RIT2: variants seen among roughly 807,000 people sequenced by gnomAD.
RIT2 encodes the protein Ras like without CAAX 2, also known as GTP-binding protein Rit2.
A neutral mutation model predicts 23.7 loss-of-function variants in RIT2; 24 were observed. The ratio of observed to expected loss-of-function variants is 1.01; its 90% CI spans 0.73 to 1.43. The LOEUF is 1.43. RIT2 is among the 40% of genes most tolerant of loss of function. The pLI is 0.00. For missense variants in RIT2, 236 were observed against 266.9 expected (o/e 0.88, Z 0.81); for synonymous variants, 107 against 91.1 (o/e 1.17, Z -0.99).
chr18:43,052,806 TACA>T (rs1294130469), intron 1 of RIT2, among the ~76,000 whole-genome samples: 2 of 152,078 alleles, frequency 1.3e-5, no homozygotes, highest in Non-Finnish European at 2.9e-5. Flanking sequence ...TCTAATAATA[TACA>T]TAGGTCTGTG....
At chr18:42,876,287 C>T (rs1283082424) in intron 4 of RIT2, among the ~76,000 whole-genome samples, 2 of 151,530 alleles carry the variant, frequency 1.3e-5, no homozygotes, top group African/African-American at 4.8e-5. Context: ...ATATTTTTAC[C>T]ACATATTCAA....
chr18:42,983,563 A>T (rs1242854005), intron 2 of RIT2, among the ~76,000 whole-genome samples: 1 of 152,114 alleles, frequency 6.6e-6, no homozygotes, highest in Admixed American at 6.6e-5. Context: ...TGAGGAAAAG[A>T]CCAGCTAGAA....
chr18:42,899,395 C>A lies in RIT2; in HGVS notation c.426+24177G>T, dbSNP rs943931308. Among the ~76,000 whole-genome samples, 4 of 151,482 alleles carry A rather than the reference C, an allele frequency of 2.6e-5. No individual in the cohort carries two copies. The South Asian group carries it at 8.4e-4, about 32-fold the overall frequency. Reference sequence around the variant, plus strand: ...GAGGGAGAGATCAATAATTGAGATACCCTATATGGCAAGTGAGTCTTTATT... The same window carrying A: ...GAGGGAGAGATCAATAATTGAGATAACCTATATGGCAAGTGAGTCTTTATT... On this transcript the variant is annotated intron_variant, in intron 4 of 4. Transcript: ENST00000326695.
chr18:43,052,875 G>A (rs1360885609), intron 1 of RIT2, among the ~76,000 whole-genome samples: 2 of 151,972 alleles, frequency 1.3e-5, no homozygotes, highest in East Asian at 1.9e-4. Flanking sequence ...GTGAGCAGGA[G>A]ATAACAGTTC....
intron 4 of RIT2, among the ~76,000 whole-genome samples, chr18:42,871,128 A>C (rs562490674): frequency 6.6e-6 from 1 of 152,320 alleles, no homozygotes; most frequent in African/African-American, 2.4e-5. Flanking sequence ...TGTTTGTAAA[A>C]TATCTCTAAG....
intron 4 of RIT2, among the ~76,000 whole-genome samples, chr18:42,878,550 G>A (rs966248149): frequency 1.4e-5 from 2 of 143,654 alleles, no homozygotes; most frequent in Non-Finnish European, 3.0e-5. Context: ...AACCCATGTT[G>A]TTCAAGATTC....
intron 1 of RIT2, among the ~76,000 whole-genome samples, chr18:43,108,089 G>A (rs1005612228): frequency 6.6e-5 from 10 of 151,364 alleles, no homozygotes; most frequent in African/African-American, 2.4e-4. Context: ...GCAGGATAAT[G>A]GTGTGAACCC....
intron 3 of RIT2, among the ~76,000 whole-genome samples, chr18:42,950,641 G>T (rs946937587): frequency 1.3e-5 from 2 of 151,686 alleles, no homozygotes; most frequent in Non-Finnish European, 2.9e-5. Context: ...CACAAACCAC[G>T]CATCTGACAA....
intron 3 of RIT2, among the ~76,000 whole-genome samples, chr18:42,950,701 A>C (rs565248661): frequency 4.6e-5 from 7 of 152,080 alleles, no homozygotes; most frequent in Non-Finnish European, 1.0e-4. Context: ...TCAAACAAGC[A>C]AAAAGCAAAT....
At chr18:42,783,769 AT>A (rs1199995085) in intron 4 of RIT2, among the ~76,000 whole-genome samples, 3 of 152,052 alleles carry the variant, frequency 2.0e-5, no homozygotes, top group African/African-American at 4.8e-5. Flanking sequence ...ATGACATCAT[AT>A]TAGTGTGGAT....
chr18:43,108,188 A>G (rs1236579421), intron 1 of RIT2, among the ~76,000 whole-genome samples: 5 of 147,812 alleles, frequency 3.4e-5, no homozygotes, highest in Non-Finnish European at 6.0e-5. Flanking sequence ...AAAAAAAAAA[A>G]TGCAGCTGAA....
In RIT2 at chr18:42,977,497, C is replaced by T. The variant is rs556615195; in HGVS notation, c.161-3350G>A. On this transcript the variant is annotated intron_variant, in intron 2 of 4. Coordinates refer to ENST00000326695, the MANE Select transcript of RIT2 (RefSeq NM_002930.4). ...AAACAAATGAATTATTTTCAGAAACCGTTGCTGTAGAAAGTAGTAATGATC... is the reference window on the plus strand; with the variant it reads ...AAACAAATGAATTATTTTCAGAAACTGTTGCTGTAGAAAGTAGTAATGATC... Among the ~76,000 whole-genome samples, 235 of 151,928 alleles carry T rather than the reference C, an allele frequency of 1.5e-3. 1 individual carries two copies. Among genetic ancestry groups the T allele is most frequent in the African/African-American group, 5.2e-3 (216 of 41,466 alleles).
At chr18:42,992,245 C>T (rs568837810) in intron 2 of RIT2, among the ~76,000 whole-genome samples, 1 of 152,164 alleles carries the variant, frequency 6.6e-6, no homozygotes, top group Non-Finnish European at 1.5e-5. Context: ...TTTTCTTCTA[C>T]AATGTCACTT....
intron 3 of RIT2, among the ~76,000 whole-genome samples, chr18:42,952,273 C>A (rs1445991327): frequency 6.6e-6 from 1 of 152,000 alleles, no homozygotes; most frequent in Non-Finnish European, 1.5e-5. Flanking sequence ...TGAAATAAGC[C>A]AGACACAGAA....
At chr18:42,936,707 T>C (rs1909468261) in intron 3 of RIT2, among the ~76,000 whole-genome samples, 1 of 152,088 alleles carries the variant, frequency 6.6e-6, no homozygotes, top group Admixed American at 6.5e-5. Context: ...GGTGAGTACA[T>C]GTGATGTAAT....
At chr18:42,765,950 C>T (rs1913411562) in intron 4 of RIT2, among the ~76,000 whole-genome samples, 1 of 152,124 alleles carries the variant, frequency 6.6e-6, no homozygotes, top group Non-Finnish European at 1.5e-5. Flanking sequence ...CTCATTTTCT[C>T]TTGCCACCAC....
chr18:42,833,132 A>G (rs1394416116), intron 4 of RIT2, among the ~76,000 whole-genome samples: 1 of 149,330 alleles, frequency 6.7e-6, no homozygotes, highest in Non-Finnish European at 1.5e-5. Context: ...ACATTTATTC[A>G]TCTCTCCTCC....
At chr18:43,107,107 T>C (rs1913841378) in intron 1 of RIT2, among the ~76,000 whole-genome samples, 1 of 152,164 alleles carries the variant, frequency 6.6e-6, no homozygotes, top group Admixed American at 6.5e-5. Flanking sequence ...TAATCGGTCA[T>C]AGGCAGCAGG....
rs763113499 is a variant in RIT2, at chr18:42,974,655, CT to C, written c.161-509del. 2.0e-3 allele frequency among the ~76,000 whole-genome samples: 311 copies of C among 152,060 alleles called. 2 individuals are homozygous for C. The highest frequency in any genetic ancestry group is 2.3e-3 in the Non-Finnish European group (155 of 67,940). On this transcript the variant is annotated intron_variant, in intron 2 of 4. Transcript: ENST00000326695. The stretch of plus-strand genomic sequence containing the variant: ...TATCTCTGTTCACAGACAACATGAT[CT>C]TATATGTAGAACCCTAAAGATTACA...
Sources: allele counts gnomAD v4.1 joint callset (sites outside exome capture counted in the v4.1 genomes callset), GRCh38; gene constraint gnomAD v4.1.1; transcripts MANE v1.5; gene names NCBI Gene and HGNC (gene_info 2026-07-23, HGNC 2026-07-21).